CPVL: variants seen among roughly 807,000 people sequenced by gnomAD.
The protein encoded by CPVL is probable serine carboxypeptidase CPVL.
A neutral mutation model predicts 63.7 loss-of-function variants in CPVL; 51 were observed. The ratio of observed to expected loss-of-function variants is 0.80; its 90% CI spans 0.64 to 1.01. The LOEUF (loss-of-function observed/expected upper bound fraction) is 1.01. Among genes scored for constraint, CPVL ranks in the 50% least tolerant of loss-of-function variants. CPVL has a pLI of 0.00. For missense variants in CPVL, 530 were observed against 573.1 expected, an observed-to-expected ratio of 0.92 and a Z score of 0.77; for synonymous variants, 195 against 206.0, an observed-to-expected ratio of 0.95 and a Z score of 0.46.
chr7:29,089,157 G>A (rs1392569080), intron 6 of CPVL, among the ~76,000 whole-genome samples: 7 of 152,064 alleles, frequency 4.6e-5, no homozygotes, highest in East Asian at 1.9e-4. Flanking sequence ...CTCTCTGCTC[G>A]CAGAAAGGTA....
At chr7:28,996,554 A>C (rs77089384) in intron 12 of CPVL, among the ~76,000 whole-genome samples, 13,434 of 151,474 alleles carry the variant, frequency 0.089, 1,733 homozygotes, top group African/African-American at 0.29. Flanking sequence ...AAAAACAAAA[A>C]AAAAAAAAAC....
intron 6 of CPVL, among the ~76,000 whole-genome samples, chr7:29,087,229 G>T (rs904176476): frequency 1.3e-5 from 2 of 152,120 alleles, no homozygotes; most frequent in East Asian, 1.9e-4. Flanking sequence ...TTCGAGACCA[G>T]CCTAGCCAAC....
chr7:29,095,010 T>C, intron 5 of CPVL, 74 bp downstream of exon 5: 1 of 1,033,900 alleles, frequency 9.7e-7, no homozygotes, highest in Non-Finnish European at 1.5e-6. Context: ...TTTTTAAATG[T>C]ACTTAATAAA....
chr7:29,145,934 C>G (rs1271630841), intron 1 of CPVL: 1 of 152,182 alleles, frequency 6.6e-6, no homozygotes. Flanking sequence ...CTATGCGTTC[C>G]TAGGCAGAAG....
At chr7:29,186,781 A>T (rs1280492357) in intron 1 of CPVL, among the ~76,000 whole-genome samples, 1 of 149,926 alleles carries the variant, frequency 6.7e-6, no homozygotes, top group Non-Finnish European at 1.5e-5. Context: ...CTAAAGGGTA[A>T]TTTTTTTTTT....
In CPVL at chr7:29,020,973, C is replaced by T. The variant is rs961524216; in HGVS notation, c.1320+9604G>A. On this transcript the variant is annotated intron_variant, in intron 12 of 12. Transcript: ENST00000265394. ...GGTGGATCACTTGAGGTCAGGAGTT[C>T]GAGAACAGCCTGGCCAACAAGGTGA... 7.2e-5 allele frequency among the ~76,000 whole-genome samples: 11 copies of T among 152,018 alleles called. No individual in the cohort carries two copies. In the East Asian group the frequency reaches 1.2e-3, roughly 16 times the overall value.
chr7:29,158,449 G>C (rs190468927), intron 5 of CPVL, among the ~76,000 whole-genome samples: 49 of 152,274 alleles, frequency 3.2e-4, no homozygotes, highest in Middle Eastern at 3.4e-3. Context: ...GATGTGTGTG[G>C]GTAAGAGTGG....
chr7:29,071,764 A>G lies in CPVL; in HGVS notation c.864+9T>C. 2 of 1,275,232 alleles carry G rather than the reference A, an allele frequency of 1.6e-6. No homozygotes were observed. Among genetic ancestry groups the G allele is most frequent in the Non-Finnish European group, 2.0e-6 (2 of 981,498 alleles). The allele number at this position is 1,275,232 out of a possible 1,614,324, so 79.0% of individuals were successfully genotyped here. A position where few individuals can be genotyped will look rare whatever the true frequency, so the allele number is the denominator to read the frequency against. On this transcript the variant is annotated intron_variant, in intron 9 of 12. Coordinates refer to ENST00000265394, the MANE Select transcript of CPVL (RefSeq NM_031311.5). ...TGCTCAAGGGCAGCACAGGGCCCCC[A>G]GAACTCACTTCAAAGGCCTCAAACC...
At chr7:29,121,801 T>C (rs1362588452) in intron 1 of CPVL, among the ~76,000 whole-genome samples, 1 of 152,074 alleles carries the variant, frequency 6.6e-6, no homozygotes, top group Non-Finnish European at 1.5e-5. Flanking sequence ...GTTCTCTATC[T>C]CTTATAAAGC....
chr7:29,035,702 G>A (rs1406924011), intron 11 of CPVL, among the ~76,000 whole-genome samples: 1 of 152,146 alleles, frequency 6.6e-6, no homozygotes, highest in East Asian at 1.9e-4. Flanking sequence ...ACAATTACAG[G>A]GTATGGATTC....
intron 10 of CPVL, among the ~76,000 whole-genome samples, chr7:29,065,469 C>T (rs1363682385): frequency 2.4e-5 from 1 of 41,460 alleles, no homozygotes; most frequent in Non-Finnish European, 5.2e-5. Context: ...ACTAATTCTA[C>T]ACAAAAGATA....
chr7:29,020,849 C>T (rs1208832926), intron 12 of CPVL, among the ~76,000 whole-genome samples: 1 of 152,092 alleles, frequency 6.6e-6, no homozygotes, highest in African/African-American at 2.4e-5. Context: ...ACTAAAAACA[C>T]CAGAGATCTT....
chr7:29,086,343 T>C, intron 7 of CPVL, 141 bp downstream of exon 7: 3 of 517,728 alleles, frequency 5.8e-6, no homozygotes, highest in South Asian at 6.5e-5. Flanking sequence ...TGGGAGAATT[T>C]TGAATAAAGG....
intron 1 of CPVL, among the ~76,000 whole-genome samples, chr7:29,141,481 C>T (rs1791874007): frequency 6.6e-6 from 1 of 152,066 alleles, no homozygotes; most frequent in African/African-American, 2.4e-5. Context: ...ACCCAGGAGG[C>T]GGAGGTTGCA....
chr7:29,021,688 A>G (rs1406640912), intron 12 of CPVL, among the ~76,000 whole-genome samples: 1 of 151,896 alleles, frequency 6.6e-6, no homozygotes, highest in Non-Finnish European at 1.5e-5. Flanking sequence ...GTATAAAGAG[A>G]TGCCTGGAGT....
intron 7 of CPVL, among the ~76,000 whole-genome samples, chr7:29,079,043 A>C (rs1784464298): frequency 6.6e-6 from 1 of 152,208 alleles, no homozygotes; most frequent in South Asian, 2.1e-4. Context: ...AAAGACTTCA[A>C]GTCCTTATAT....
chr7:29,154,356 T>G (rs2128697691), intron 5 of CPVL, among the ~76,000 whole-genome samples: 1 of 152,334 alleles, frequency 6.6e-6, no homozygotes, highest in East Asian at 1.9e-4. Flanking sequence ...CTGTATGAGC[T>G]AAATGGGTGG....
intron 3 of CPVL, among the ~76,000 whole-genome samples, chr7:29,107,785 T>A (rs1311016498): frequency 6.6e-6 from 1 of 152,216 alleles, no homozygotes; most frequent in Non-Finnish European, 1.5e-5. Flanking sequence ...TCCTGTCCTC[T>A]TCCACATTAA....
intron 5 of CPVL, among the ~76,000 whole-genome samples, chr7:29,172,085 G>A (rs760179781): frequency 2.0e-5 from 3 of 152,192 alleles, no homozygotes; most frequent in Non-Finnish European, 4.4e-5. Flanking sequence ...AGGGTCAGCA[G>A]TATCACGTTT....
Sources: allele counts gnomAD v4.1 joint callset (sites outside exome capture counted in the v4.1 genomes callset), GRCh38; gene constraint gnomAD v4.1.1; transcripts MANE v1.5; gene names NCBI Gene and HGNC (gene_info 2026-07-23, HGNC 2026-07-21).